IMMP2L: variants seen among roughly 807,000 people sequenced by gnomAD.
IMMP2L encodes inner mitochondrial membrane peptidase subunit 2, also known as mitochondrial inner membrane protease subunit 2.
A neutral mutation model predicts 19.3 loss-of-function variants in IMMP2L; 18 were observed. The ratio of observed to expected loss-of-function variants is 0.93; its 90% CI spans 0.64 to 1.38. The LOEUF (loss-of-function observed/expected upper bound fraction) is 1.38, where lower values mean the gene tolerates loss of function less well. Ranked by LOEUF, IMMP2L falls within the 40% of genes most tolerant of loss-of-function variation. The pLI is 0.00. For synonymous variants in IMMP2L, 76 were observed against 73.0 expected (o/e 1.04, Z -0.21); for missense variants, 233 against 218.2 (o/e 1.07, Z -0.43).
chr7:110,949,443 A>T (rs376923918), intron 4 of IMMP2L, among the ~76,000 whole-genome samples: 5 of 152,210 alleles, frequency 3.3e-5, no homozygotes, highest in African/African-American at 1.2e-4. Flanking sequence ...CTGTTGGCCA[A>T]GACTAAAAAT....
chr7:110,735,656 T>C (rs1466721398), intron 5 of IMMP2L, among the ~76,000 whole-genome samples: 8 of 128,390 alleles, frequency 6.2e-5, no homozygotes, highest in Non-Finnish European at 1.1e-4. Flanking sequence ...TAGACAAATA[T>C]ATATATATAT....
chr7:111,242,969 C>A (rs1815297804), intron 3 of IMMP2L, among the ~76,000 whole-genome samples: 1 of 152,058 alleles, frequency 6.6e-6, no homozygotes, highest in Non-Finnish European at 1.5e-5. Flanking sequence ...TTGTATTTTA[C>A]CAGGGAAGAA....
chr7:111,529,030 T>C (rs1436019137), intron 1 of IMMP2L, among the ~76,000 whole-genome samples: 2 of 152,204 alleles, frequency 1.3e-5, no homozygotes, highest in African/African-American at 4.8e-5. Flanking sequence ...GTCAGCATGG[T>C]CCTTTCTCCA....
At chr7:111,112,806 A>C (rs1371408996) in intron 3 of IMMP2L, among the ~76,000 whole-genome samples, 1 of 152,194 alleles carries the variant, frequency 6.6e-6, no homozygotes, top group East Asian at 1.9e-4. Context: ...ATAGTAACAG[A>C]AAAGCACCAT....
chr7:110,750,538 A>T (rs1191586020), intron 5 of IMMP2L, among the ~76,000 whole-genome samples: 1 of 152,180 alleles, frequency 6.6e-6, no homozygotes, highest in Admixed American at 6.6e-5. Flanking sequence ...CTTATTTCAA[A>T]GCAATGGAAA....
chr7:111,228,963 A>ATGAG (rs1290098677), intron 3 of IMMP2L, among the ~76,000 whole-genome samples: 1 of 120,800 alleles, frequency 8.3e-6, no homozygotes, highest in Non-Finnish European at 1.7e-5. Context: ...AACACTAGCA[A>ATGAG]TGCGTGTGTG....
intron 4 of IMMP2L, among the ~76,000 whole-genome samples, chr7:110,903,082 C>G (rs1335471024): frequency 1.3e-5 from 2 of 152,080 alleles, no homozygotes; most frequent in Non-Finnish European, 2.9e-5. Context: ...CTCAGCTGAA[C>G]AGCCAGCGAC....
At chr7:111,298,273 C>T (rs1262961390) in intron 3 of IMMP2L, among the ~76,000 whole-genome samples, 2 of 152,106 alleles carry the variant, frequency 1.3e-5, no homozygotes, top group African/African-American at 2.4e-5. Context: ...AGCTGAAATC[C>T]TGGCTCCACA....
At chr7:111,392,240 C>T (rs535399790) in intron 3 of IMMP2L, among the ~76,000 whole-genome samples, 1 of 152,208 alleles carries the variant, frequency 6.6e-6, no homozygotes, top group Non-Finnish European at 1.5e-5. Context: ...TTAACTGGAC[C>T]AGTCAAGTCT....
chr7:110,712,173 A>T (rs1346230055), intron 5 of IMMP2L, among the ~76,000 whole-genome samples: 2 of 135,404 alleles, frequency 1.5e-5, no homozygotes, highest in African/African-American at 5.2e-5. Flanking sequence ...GATGGTGATG[A>T]ACAGATGGGT....
chr7:110,836,171 G>T (rs1005303860), intron 5 of IMMP2L, among the ~76,000 whole-genome samples: 2 of 152,148 alleles, frequency 1.3e-5, no homozygotes, highest in African/African-American at 4.8e-5. Context: ...AAATGATAAG[G>T]TTAGGTTAAT....
intron 3 of IMMP2L, among the ~76,000 whole-genome samples, chr7:111,220,912 T>C (rs141567969): frequency 2.0e-5 from 3 of 152,156 alleles, no homozygotes; most frequent in Non-Finnish European, 2.9e-5. Flanking sequence ...CTTTCCTCCA[T>C]CTTTTTGTTC....
At chr7:111,075,592 T>C (rs896200983) in intron 3 of IMMP2L, among the ~76,000 whole-genome samples, 1 of 152,192 alleles carries the variant, frequency 6.6e-6, no homozygotes, top group Non-Finnish European at 1.5e-5. Flanking sequence ...TGAGCCTCCA[T>C]AACACTAGGC....
At chr7:111,550,862 T>G (rs538191010) in intron 1 of IMMP2L, among the ~76,000 whole-genome samples, 44 of 152,124 alleles carry the variant, frequency 2.9e-4, no homozygotes, top group African/African-American at 1.1e-3. Context: ...AGGAGTCAGG[T>G]ACAAATGAGA....
intron 3 of IMMP2L, among the ~76,000 whole-genome samples, chr7:111,195,673 C>T (rs1386464715): frequency 1.4e-4 from 1 of 7,132 alleles, no homozygotes; most frequent in Non-Finnish European, 2.8e-4. Flanking sequence ...TTTCCATTGA[C>T]TACCCTATGA....
At chr7:110,956,228 T>C (rs1183317009) in intron 4 of IMMP2L, among the ~76,000 whole-genome samples, 1 of 152,006 alleles carries the variant, frequency 6.6e-6, no homozygotes, top group Non-Finnish European at 1.5e-5. Flanking sequence ...AAAGACAAAT[T>C]GTCATTTAAA....
At chr7:111,282,612 G>T (rs1262230474) in intron 3 of IMMP2L, among the ~76,000 whole-genome samples, 1 of 151,700 alleles carries the variant, frequency 6.6e-6, no homozygotes, top group Non-Finnish European at 1.5e-5. Flanking sequence ...TTAAGACAGG[G>T]TCTCTCTGTC....
intron 5 of IMMP2L, among the ~76,000 whole-genome samples, chr7:110,676,199 T>C (rs1206846707): frequency 6.6e-6 from 1 of 152,238 alleles, no homozygotes; most frequent in Non-Finnish European, 1.5e-5. Context: ...TGTTTCCATC[T>C]CTATAGCAAG....
intron 3 of IMMP2L, among the ~76,000 whole-genome samples, chr7:111,256,253 T>C (rs2129633373): frequency 6.6e-6 from 1 of 152,190 alleles, no homozygotes. Context: ...AGTTACAAAA[T>C]GGCATACATA....
Sources: allele counts gnomAD v4.1 joint callset (sites outside exome capture counted in the v4.1 genomes callset), GRCh38; gene constraint gnomAD v4.1.1; transcripts MANE v1.5; gene names NCBI Gene and HGNC (gene_info 2026-07-23, HGNC 2026-07-21).